The following DYM variants were observed in gnomAD, a reference collection of about 807,000 sequenced individuals.
DYM encodes dyggve-Melchior-Clausen syndrome protein.
Under a neutral mutation model 93.1 loss-of-function variants are expected in DYM, and 78 were observed. The ratio of observed to expected loss-of-function variants is 0.84; its 90% CI spans 0.70 to 1.01. The LOEUF is 1.01. Among genes scored for constraint, DYM ranks in the 50% least tolerant of loss-of-function variants. The pLI is 0.00. For synonymous variants in DYM, 321 were observed against 319.7 expected (o/e 1.00, Z -0.04); for missense variants, 789 against 845.0 (o/e 0.93, Z 0.82).
At chr18:49,336,286 G>A (rs547113222) in intron 6 of DYM, among the ~76,000 whole-genome samples, 1 of 152,030 alleles carries the variant, frequency 6.6e-6, no homozygotes, top group Non-Finnish European at 1.5e-5. Flanking sequence ...ATAACCTTAG[G>A]GAAAGAATAC....
At chr18:49,257,462 G>C (rs1226221203) in intron 12 of DYM, among the ~76,000 whole-genome samples, 2 of 152,088 alleles carry the variant, frequency 1.3e-5, no homozygotes, top group Non-Finnish European at 2.9e-5. Flanking sequence ...AAAAACTTCT[G>C]CTTTCTAAAA....
chr18:49,230,862 A>G (rs2093674422), intron 13 of DYM, among the ~76,000 whole-genome samples: 1 of 152,236 alleles, frequency 6.6e-6, no homozygotes, highest in Non-Finnish European at 1.5e-5. Context: ...AGAGATACAG[A>G]ACCATGCAGA....
Position 49,037,783 on chromosome 18 carries a change from T to C in DYM, c.*6272A>G, listed in dbSNP as rs1216561803. ...TTGTAAATAATTAGTCTTGATTCTATTATGGTCAGAGAACATATTTCATTT... is the reference window on the plus strand; with the variant it reads ...TTGTAAATAATTAGTCTTGATTCTACTATGGTCAGAGAACATATTTCATTT... On this transcript the variant is annotated 3_prime_UTR_variant, in exon 18 of 18. Transcript: ENST00000675505. 6.6e-6 allele frequency among the ~76,000 whole-genome samples: 1 copy of C among 152,220 alleles called. No homozygotes were observed. Among genetic ancestry groups the C allele is most frequent in the Non-Finnish European group, 1.5e-5 (1 of 68,040 alleles).
At chr18:49,129,920 C>T (rs1005931501) in intron 15 of DYM, among the ~76,000 whole-genome samples, 4 of 152,162 alleles carry the variant, frequency 2.6e-5, no homozygotes, top group Non-Finnish European at 5.9e-5. Flanking sequence ...GTAGGAAGCT[C>T]TCTCACCTCC....
rs886053844 is a variant in DYM, at chr18:49,282,007, A to G, written c.1115T>C (p.Met372Thr). ...TAGTATGATACTTACAAGATTTTCC[A>G]TATCTGTGCGAGCCAACATGTATGT... ...IRTYMLARTDMENLVLPILEI... is the reference protein window; with the variant it reads ...IRTYMLARTDTENLVLPILEI... The change falls in exon 10 of 18, where the codon ATG becomes ACG. Residue 372 changes from methionine to threonine, a missense_variant. Met to Thr is a moderately conservative substitution (Grantham distance 81). Transcript: ENST00000675505. The G allele has an allele frequency of 1.2e-5, 19 of 1,613,476 alleles. No homozygotes were observed. The East Asian group carries it at 3.3e-4, about 28-fold the overall frequency.
intron 14 of DYM, among the ~76,000 whole-genome samples, chr18:49,175,482 G>A (rs550842341): frequency 1.2e-4 from 18 of 152,246 alleles, no homozygotes; most frequent in Middle Eastern, 3.4e-3. Flanking sequence ...TAAACTGCCC[G>A]TTCATTCACA....
intron 8 of DYM, among the ~76,000 whole-genome samples, chr18:49,296,593 A>C (rs1417346643): frequency 1.3e-5 from 2 of 152,080 alleles, no homozygotes; most frequent in Non-Finnish European, 2.9e-5. Context: ...AAATGTCATG[A>C]CTATTGGTGG....
At chr18:49,131,497 T>C (rs1022367674) in intron 15 of DYM, among the ~76,000 whole-genome samples, 4 of 152,112 alleles carry the variant, frequency 2.6e-5, no homozygotes, top group Non-Finnish European at 4.4e-5. Context: ...AGTGCTAGGA[T>C]TACAGGCCTA....
chr18:49,104,130 C>T (rs1460697349), intron 16 of DYM, among the ~76,000 whole-genome samples: 2 of 152,068 alleles, frequency 1.3e-5, no homozygotes, highest in African/African-American at 4.8e-5. Flanking sequence ...TCCTTCACAT[C>T]CCTTGTAAGT....
At chr18:49,439,874 T>C (rs1418532604) in intron 1 of DYM, among the ~76,000 whole-genome samples, 1 of 151,736 alleles carries the variant, frequency 6.6e-6, no homozygotes, top group Non-Finnish European at 1.5e-5. Context: ...ACACAGCTAA[T>C]AAGCCTGTAG....
At chr18:49,060,161 GT>G (rs2075833303) in intron 17 of DYM, among the ~76,000 whole-genome samples, 1 of 152,154 alleles carries the variant, frequency 6.6e-6, no homozygotes, top group African/African-American at 2.4e-5. Flanking sequence ...ATAATTGCCA[GT>G]TCTGATTTGT....
chr18:49,197,465 T>G (rs2091571724), intron 14 of DYM, among the ~76,000 whole-genome samples: 1 of 152,006 alleles, frequency 6.6e-6, no homozygotes, highest in African/African-American at 2.4e-5. Flanking sequence ...GCGGTGAAGT[T>G]TCTCAAAATG....
chr18:49,319,121 T>G (rs1299912156), intron 8 of DYM, among the ~76,000 whole-genome samples: 3 of 152,210 alleles, frequency 2.0e-5, no homozygotes, highest in Non-Finnish European at 2.9e-5. Context: ...GGTAACATTA[T>G]TTCTACTTTT....
intron 2 of DYM, among the ~76,000 whole-genome samples, chr18:49,425,747 A>G (rs1380228321): frequency 2.6e-5 from 4 of 152,258 alleles, no homozygotes; most frequent in African/African-American, 9.6e-5. Flanking sequence ...GTATGAACAG[A>G]TACTTCTCAA....
At chr18:49,244,028 CAGG>C (rs199830209) in intron 13 of DYM, among the ~76,000 whole-genome samples, 1,996 of 152,190 alleles carry the variant, frequency 0.013, 27 homozygotes, top group Non-Finnish European at 0.019. Flanking sequence ...AAGTCATTAA[CAGG>C]AGGAGTGTCA....
At chr18:49,133,072 T>C (rs2083518482) in intron 15 of DYM, among the ~76,000 whole-genome samples, 1 of 152,234 alleles carries the variant, frequency 6.6e-6, no homozygotes, top group South Asian at 2.1e-4. Context: ...CATTTGTTTT[T>C]GTTATAAAAA....
At chr18:49,094,887 C>T (rs532896398) in intron 17 of DYM, among the ~76,000 whole-genome samples, 16 of 152,076 alleles carry the variant, frequency 1.1e-4, no homozygotes, top group Non-Finnish European at 1.9e-4. Flanking sequence ...GAGTAAGGGG[C>T]GCTGTGATCC....
At chr18:49,363,302 C>A in intron 5 of DYM, 69 bp from the exon 6 acceptor site, 1 of 1,065,822 alleles carries the variant, frequency 9.4e-7, no homozygotes, top group Non-Finnish European at 1.5e-6. Flanking sequence ...TCAGAAGTTA[C>A]ATTTTCATTC....
In DYM at chr18:49,261,028, A is replaced by T. The variant is rs866723982; in HGVS notation, c.1252-2535T>A. ...ATCAGGAAAACAGAATTAAATCTAA[A>T]TAATATACTAAAAGAGGATTAAAAT... On this transcript the variant is annotated intron_variant, in intron 11 of 17. Transcript: ENST00000675505. Among the ~76,000 whole-genome samples, 29 of 152,364 alleles carry T rather than the reference A, an allele frequency of 1.9e-4. No individual in the cohort carries two copies. In the Middle Eastern group the frequency reaches 0.01, roughly 54 times the overall value.
Sources: gnomAD v4.1 joint callset for allele counts (sites outside exome capture counted in the v4.1 genomes callset) on GRCh38, gnomAD v4.1.1 for gene constraint, MANE v1.5 for transcripts, NCBI Gene and HGNC (gene_info 2026-07-23, HGNC 2026-07-21) for gene names.